The following NOS3 variants were observed in gnomAD, a reference collection of about 807,000 sequenced individuals.
NOS3 encodes nitric oxide synthase 3.
A neutral mutation model predicts 144.9 loss-of-function variants in NOS3; 98 were observed. That is an observed-to-expected ratio of 0.68 (90% confidence interval 0.57 to 0.80). NOS3 has a LOEUF of 0.80. Ranked by LOEUF, NOS3 falls within the 30% of genes least tolerant of loss-of-function variation. NOS3 has a pLI of 0.00. For missense variants in NOS3, 1,465 were observed against 1,656.4 expected (o/e 0.88, Z 2.01); for synonymous variants, 714 against 702.4 (o/e 1.02, Z -0.26).
In NOS3 at chr7:151,002,430, ACACACACACACACACACACACACG is replaced by A; in HGVS notation, c.1752+128_1752+151del. Reference sequence around the variant, plus strand: ...CACACACACACACACACACACACACACACACACACACACACACACACACGCCAGGATGGAAAGGGAGATGCTAAG... The same window carrying A: ...CACACACACACACACACACACACACACCAGGATGGAAAGGGAGATGCTAAG... On this transcript the variant is annotated intron_variant, in intron 14 of 26. Transcript: ENST00000297494. This position sits in a 1 kb window ranked among gnomAD's most constrained non-coding sequence, Gnocchi z 4.1. 1 of 524,342 alleles carries A rather than the reference ACACACACACACACACACACACACG, an allele frequency of 1.9e-6. No individual in the cohort carries two copies. Among genetic ancestry groups the A allele is most frequent in the Non-Finnish European group, 3.4e-6 (1 of 292,630 alleles). 32.5% of individuals were successfully genotyped at this position (524,342 alleles called of 1,614,324 possible). A position where few individuals can be genotyped will look rare whatever the true frequency, so the allele number is the denominator to read the frequency against.
rs1428735818 is a variant in NOS3, at chr7:151,013,023, A to G, written c.3107-208A>G. On this transcript the variant is annotated intron_variant, in intron 24 of 26. Transcript: ENST00000297494. ...CAGCTCCACCAGGGGCCACCACCTC[A>G]CCCGCGCTTCCCTTCCCTCTGTAAA... 8.8e-6 allele frequency: 5 copies of G among 569,230 alleles called. No individual in the cohort carries two copies. The Admixed American group carries it at 1.8e-4, about 20-fold the overall frequency. 35.3% of individuals were successfully genotyped at this position (569,230 alleles called of 1,614,324 possible). A position where few individuals can be genotyped will look rare whatever the true frequency, so the allele number is the denominator to read the frequency against.
chr7:150,992,820 G>A (rs917219117), intron 1 of NOS3, among the ~76,000 whole-genome samples: 2 of 152,208 alleles, frequency 1.3e-5, no homozygotes, highest in Admixed American at 6.5e-5. Context: ...TGGACCAGAT[G>A]CCCAGCTAGT....
rs761832506 is a variant in NOS3 at position 150,998,720 on chromosome 7, G to A, written c.816+40G>A. On this transcript the variant is annotated intron_variant, in intron 7 of 26. Transcript: ENST00000297494. The surrounding 1 kb of genome is among the most constrained non-coding windows in gnomAD (Gnocchi z 5.0). ...CCACCCATGAGGGTGTCCCCAAGGT[G>A]GAGAATGAGGAAACCAGTGGGAGAA... 3 of 1,577,548 alleles carry A rather than the reference G, an allele frequency of 1.9e-6. No homozygotes were observed. Among genetic ancestry groups the A allele is most frequent in the Non-Finnish European group, 2.6e-6 (3 of 1,161,306 alleles).
At chr7:151,007,430 A>G (rs1426523413) in intron 17 of NOS3, among the ~76,000 whole-genome samples, 154 bp downstream of exon 17, 2 of 152,204 alleles carry the variant, frequency 1.3e-5, no homozygotes, top group Non-Finnish European at 2.9e-5. Flanking sequence ...CTTCTGGGTC[A>G]GGGGCAGAGG....
intron 14 of NOS3, among the ~76,000 whole-genome samples, chr7:151,006,201 A>G (rs1795204128): frequency 6.6e-6 from 1 of 152,232 alleles, no homozygotes; most frequent in South Asian, 2.1e-4. Context: ...ACACCTGTCA[A>G]TGGCGCATAT....
Position 151,013,753 on chromosome 7 carries a change from G to A in NOS3, c.3285G>A (p.Glu1095=). ...ACGTGCAGGACATCCTGAGGACGGA[G>A]CTGGCTGCGGAGGTGCACCGCGTGC... is the stretch of plus-strand genomic sequence containing the variant. ...KTYVQDILRT[E]LAAEVHRVLC... is the part of the protein sequence containing the mutation. Residue 1095 remains glutamate (E), a synonymous_variant, in exon 26 of 27, where the codon GAG becomes GAA. Transcript: ENST00000297494. 6.2e-7 allele frequency: 1 copy of A among 1,610,780 alleles called. No individual in the cohort carries two copies. The highest frequency in any genetic ancestry group is 8.5e-7 in the Non-Finnish European group (1 of 1,179,132).
chr7:151,011,368 C>CG (rs1584912782), intron 23 of NOS3, among the ~76,000 whole-genome samples: 1 of 75,652 alleles, frequency 1.3e-5, no homozygotes, highest in East Asian at 5.7e-4. Flanking sequence ...TTAAGACCAC[C>CG]CTTGGCCTTG....
At chr7:150,994,911 G>A (rs1802336314) in intron 2 of NOS3, among the ~76,000 whole-genome samples, 2 of 152,176 alleles carry the variant, frequency 1.3e-5, no homozygotes, top group South Asian at 2.1e-4. Context: ...TTTGCGGGGG[G>A]TGGACACCCC....
chr7:151,014,478 G>C lies in NOS3; in HGVS notation c.*309G>C, dbSNP rs1795399030. ...TAGATTCCTCTTGCCTCTCTCAGGAGTATCTTACCTGTAAAGTCTAATCTC... is the reference window on the plus strand; with the variant it reads ...TAGATTCCTCTTGCCTCTCTCAGGACTATCTTACCTGTAAAGTCTAATCTC... On this transcript the variant is annotated 3_prime_UTR_variant, in exon 27 of 27. Coordinates refer to ENST00000297494, the MANE Select transcript of NOS3 (RefSeq NM_000603.5). The C allele has an allele frequency of 5.1e-6, 2 of 389,488 alleles. No individual in the cohort carries two copies. Among genetic ancestry groups the C allele is most frequent in the South Asian group, 1.3e-4 (2 of 15,448 alleles). The allele number at this position is 389,488 out of a possible 1,614,324, so 24.1% of individuals were successfully genotyped here.
In NOS3 at chr7:150,998,671, G is replaced by A; in HGVS notation, c.807G>A (p.Glu269=). 6.2e-7 allele frequency: 1 copy of A among 1,606,750 alleles called. No homozygotes were observed. The highest frequency in any genetic ancestry group is 1.7e-4 in the Middle Eastern group (1 of 5,972). The part of the protein sequence containing the change: ...GSVRGDPANV[E]ITELCIQHGW... ...TGCGGGGGGACCCAGCCAACGTGGA[G>A]ATCACCGAGGTGGGCACCGAGGGCC... is the stretch of plus-strand genomic sequence containing the variant. Residue 269 remains glutamate (E), a synonymous_variant, in exon 7 of 27, where the codon GAG becomes GAA. Transcript: ENST00000297494. The surrounding 1 kb of genome is among the most constrained non-coding windows in gnomAD (Gnocchi z 5.0).
rs1795161855 is a variant in NOS3 at position 151,003,660 on chromosome 7, G to A, written c.1752+1356G>A. ...CCTCACGTGAATCCCTTCCCAGTCT[G>A]TCTCCCTGCCAGAAGTGTCTGTCAC... On this transcript the variant is annotated intron_variant, in intron 14 of 26. Transcript: ENST00000297494. The surrounding 1 kb of genome is among the most constrained non-coding windows in gnomAD (Gnocchi z 4.1). 4.1e-6 allele frequency: 3 copies of A among 733,788 alleles called. No homozygotes were observed. The highest frequency in any genetic ancestry group is 6.4e-6 in the Non-Finnish European group (3 of 466,934). 45.5% of individuals were successfully genotyped at this position (733,788 alleles called of 1,614,324 possible).
In NOS3 at chr7:150,996,941, G is replaced by C; in HGVS notation, c.582+16G>C. ...GAAGCTGCAGGTGCGGCTGGCCAGCGACTGAGAGACCCGGGCGCTACCAAA... is the reference window on the plus strand; with the variant it reads ...GAAGCTGCAGGTGCGGCTGGCCAGCCACTGAGAGACCCGGGCGCTACCAAA... On this transcript the variant is annotated intron_variant, in intron 5 of 26. Transcript: ENST00000297494. 6.5e-7 allele frequency: 1 copy of C among 1,550,252 alleles called. No individual in the cohort carries two copies. The highest frequency in any genetic ancestry group is 8.7e-7 in the Non-Finnish European group (1 of 1,147,792).
rs1365503032 is a variant in NOS3 at position 151,001,393 on chromosome 7, A to G, written c.1396A>G (p.Asn466Asp). 1.2e-6 allele frequency: 2 copies of G among 1,603,206 alleles called. No homozygotes were observed. Among genetic ancestry groups the G allele is most frequent in the Non-Finnish European group, 8.5e-7 (1 of 1,173,542 alleles). Reference protein sequence around the residue: ...LTPVFHQEMVNYFLSPAFRYQ... With the variant: ...LTPVFHQEMVDYFLSPAFRYQ... ...TCCTGTTTTCCATCAGGAGATGGTC[A>G]ACTATTTCCTGTCCCCGGCCTTCCG... The change falls in exon 11 of 27, where the codon AAC becomes GAC. Residue 466 changes from asparagine (N) to aspartate (D), a missense_variant. Physicochemically the swap from Asn to Asp is conservative, Grantham distance 23. Coordinates refer to ENST00000297494, the MANE Select transcript of NOS3 (RefSeq NM_000603.5).
At chr7:151,006,867 T>C (rs1389549154) in intron 15 of NOS3, 22 bp from the exon 16 acceptor site, 3 of 1,590,436 alleles carry the variant, frequency 1.9e-6, no homozygotes, top group African/African-American at 2.7e-5. Context: ...GTGACAACCT[T>C]GTCTTTGTCC....
chr7:150,998,923 C>A lies in NOS3; in HGVS notation c.817-23C>A. ...AGGGCATGAGGCTCAGCCCCAGAAC[C>A]CCCTCTGGCCCACTCCCCACAGCTC... On this transcript the variant is annotated intron_variant, in intron 7 of 26. Coordinates refer to ENST00000297494, the MANE Select transcript of NOS3 (RefSeq NM_000603.5). This position sits in a 1 kb window ranked among gnomAD's most constrained non-coding sequence, Gnocchi z 5.0. 1 of 1,599,868 alleles carries A rather than the reference C, an allele frequency of 6.3e-7. No individual in the cohort carries two copies. The highest frequency in any genetic ancestry group is 8.5e-7 in the Non-Finnish European group (1 of 1,174,608).
rs554255447 is a variant in NOS3 at position 151,008,448 on chromosome 7, G to A, written c.2113-482G>A. On this transcript the variant is annotated intron_variant, in intron 17 of 26. Coordinates refer to ENST00000297494, the MANE Select transcript of NOS3 (RefSeq NM_000603.5). Reference sequence around the variant, plus strand: ...CCCCGTGGGGTCCCCTCTGCCGCCCGAATTGTGCGTCCCTTCCCAGGAGCA... The same window carrying A: ...CCCCGTGGGGTCCCCTCTGCCGCCCAAATTGTGCGTCCCTTCCCAGGAGCA... 1.7e-4 allele frequency among the ~76,000 whole-genome samples: 26 copies of A among 152,294 alleles called. 1 individual carries two copies. The South Asian group carries it at 5.2e-3, about 30-fold the overall frequency.
At position 151,001,580 on chromosome 7, in the gene NOS3, G is replaced by T; in HGVS notation, c.1465G>T (p.Gly489Cys). 2 of 1,613,944 alleles carry T rather than the reference G, an allele frequency of 1.2e-6. No homozygotes were observed. The highest frequency in any genetic ancestry group is 1.1e-5 in the South Asian group (1 of 91,082). ...PWKGSAAKGT[G>C]ITRKKTFKEV... ...GAAGGGGAGTGCCGCCAAGGGCACC[G>T]GCATCACCAGGAAGAAGACCTTTAA... is the stretch of plus-strand genomic sequence containing the variant. The change falls in exon 12 of 27, where the codon GGC (glycine) becomes TGC (cysteine). Residue 489 changes from glycine (G) to cysteine (C), a missense_variant. Gly to Cys is a radical substitution (Grantham distance 159). Around this residue, in one of 5 missense-constraint regions of NOS3, gnomAD observed 745 missense variants for 853.9 expected, o/e 0.87. Coordinates refer to ENST00000297494, the MANE Select transcript of NOS3 (RefSeq NM_000603.5).
In NOS3 at chr7:151,001,302, G is replaced by A; in HGVS notation, c.1305G>A (p.Gln435=). The A allele has an allele frequency of 6.2e-7, 1 of 1,613,828 alleles. No homozygotes were observed. The highest frequency in any genetic ancestry group is 8.5e-7 in the Non-Finnish European group (1 of 1,179,948). ...TCATGAAGCACCTGGAGAATGAGCA[G>A]AAGGCCAGGGGGGGCTGCCCTGCAG... ...ASFMKHLENE[Q]KARGGCPADW... The change falls in exon 11 of 27, where the codon CAG becomes CAA. Residue 435 remains glutamine, a synonymous_variant. Coordinates refer to ENST00000297494, the MANE Select transcript of NOS3 (RefSeq NM_000603.5).
Position 151,009,537 on chromosome 7 carries a change from G to A in NOS3, c.2464G>A (p.Ala822Thr). The A allele has an allele frequency of 6.5e-7, 1 of 1,545,244 alleles. No individual in the cohort carries two copies. The highest frequency in any genetic ancestry group is 8.7e-7 in the Non-Finnish European group (1 of 1,145,838). The change falls in exon 20 of 27, where the codon GCG becomes ACG. Residue 822 changes from alanine to threonine, a missense_variant. Ala to Thr is a moderately conservative substitution (Grantham distance 58). Coordinates refer to ENST00000297494, the MANE Select transcript of NOS3 (RefSeq NM_000603.5). ...ALLSRVEDPP[A>T]PTEPVAVEQL... ...GCTGAGCCGCGTGGAGGACCCGCCG[G>A]CGCCCACTGAGCCCGTGGCAGTAGA...
Sources: gnomAD v4.1 joint callset for allele counts (sites outside exome capture counted in the v4.1 genomes callset) on GRCh38, gnomAD v4.1.1 for gene constraint, gnomAD v4.1.1 regional missense constraint, Gnocchi (gnomAD v3.1) non-coding constraint, MANE v1.5 for transcripts, NCBI Gene and HGNC (gene_info 2026-07-23, HGNC 2026-07-21) for gene names.